Variants in ASXL2 observed in about 807,000 individuals in gnomAD.
ASXL2 encodes ASXL transcriptional regulator 2.
ASXL2 carries 23 observed loss-of-function variants against 122.0 expected under a neutral mutation model. The ratio of observed to expected loss-of-function variants is 0.19; its 90% CI spans 0.14 to 0.27. The LOEUF is 0.27. ASXL2 is among the 10% of genes least tolerant of loss of function. The probability of loss-of-function intolerance (pLI) is 1.00; values close to 1 mark genes in which losing one functional copy is unlikely to be tolerated. For synonymous variants in ASXL2, 650 were observed against 637.0 expected (o/e 1.02, Z -0.31); for missense variants, 1,518 against 1,713.8 (o/e 0.89, Z 2.02).
Position 25,742,173 on chromosome 2 carries a change from G to A in ASXL2, c.4164C>T (p.Ser1388=), listed in dbSNP as rs371375230. Residue 1388 remains serine, a synonymous_variant, in exon 13 of 13, where the codon TCC becomes TCT. Transcript: ENST00000435504. ...GCGTGCCCTCTATGCTGTTCTCTTC[G>A]GAGAACGCCTGAACAGGAATGGTCT... The part of the protein sequence containing the change: ...HGQTIPVQAF[S]EENSIEGTPS... 716 of 1,613,876 alleles carry A rather than the reference G, an allele frequency of 4.4e-4. No individual in the cohort carries two copies. The highest frequency in any genetic ancestry group is 5.2e-4 in the Non-Finnish European group (610 of 1,179,902).
chr2:25,812,416 C>T (rs923885936), intron 3 of ASXL2, among the ~76,000 whole-genome samples: 28 of 152,140 alleles, frequency 1.8e-4, no homozygotes, highest in African/African-American at 6.5e-4. Flanking sequence ...GCCGAGACCG[C>T]GCCATTGCAC....
Position 25,771,516 on chromosome 2 carries a change from C to T in ASXL2, c.428G>A (p.Gly143Asp), listed in dbSNP as rs752127810. Residue 143 changes from glycine to aspartate, a missense_variant, in exon 6 of 13, where the codon GGC becomes GAC. Coordinates refer to ENST00000435504, the MANE Select transcript of ASXL2 (RefSeq NM_018263.6). ...TGCTGGAATGGTGGGTGATGGGCAG[C>T]CTGACTGCGGGGAGGACGACGATAC... The part of the protein sequence containing the change: ...RKVSSSSPQS[G>D]CPSPTIPAGK... 2.5e-6 allele frequency: 4 copies of T among 1,613,192 alleles called. No homozygotes were observed. The highest frequency in any genetic ancestry group is 2.2e-5 in the East Asian group (1 of 44,854).
intron 2 of ASXL2, among the ~76,000 whole-genome samples, chr2:25,836,636 TCA>T (rs2089515135): frequency 6.6e-6 from 1 of 152,202 alleles, no homozygotes; most frequent in African/African-American, 2.4e-5. Context: ...AGGTAAAATC[TCA>T]GTCTCTAAAA....
chr2:25,738,295 T>C lies in ASXL2; in HGVS notation c.*3734A>G, dbSNP rs559478508. ...AAGTAACCAAGAATCTACGAAGCTA[T>C]TGCTTCAACTTTAGGAAATGTTTTA... On this transcript the variant is annotated 3_prime_UTR_variant, in exon 13 of 13. Transcript: ENST00000435504. The C allele has an allele frequency of 3.8e-4, 58 of 152,226 alleles. No individual in the cohort carries two copies. Among genetic ancestry groups the C allele is most frequent in the Non-Finnish European group, 6.3e-4 (43 of 68,044 alleles). 9.4% of individuals were successfully genotyped at this position (152,226 alleles called of 1,614,324 possible). A position where few individuals can be genotyped will look rare whatever the true frequency, so the allele number is the denominator to read the frequency against.
Position 25,743,050 on chromosome 2 carries a change from T to C in ASXL2, c.3287A>G (p.Gln1096Arg), listed in dbSNP as rs1284750177. 1 of 1,613,880 alleles carries C rather than the reference T, an allele frequency of 6.2e-7. No homozygotes were observed. The highest frequency in any genetic ancestry group is 1.1e-5 in the South Asian group (1 of 91,088). ...SQFNFAHSGF[Q>R]LEDISTSQRF... ...CTGGCTTGTGGAGATGTCTTCCAGC[T>C]GGAAACCTGAGTGAGCGAAGTTGAA... The change falls in exon 13 of 13, where the codon CAG becomes CGG. Residue 1096 changes from glutamine (Q) to arginine (R), a missense_variant. Gln to Arg is a conservative substitution (Grantham distance 43). Around this residue, in one of 8 missense-constraint regions of ASXL2, gnomAD observed 831 missense variants for 833.1 expected, o/e 1.00. Coordinates refer to ENST00000435504, the MANE Select transcript of ASXL2 (RefSeq NM_018263.6).
chr2:25,818,574 A>G (rs894099141), intron 3 of ASXL2, among the ~76,000 whole-genome samples: 1 of 152,240 alleles, frequency 6.6e-6, no homozygotes, highest in Admixed American at 6.5e-5. Flanking sequence ...TTAAATTGCT[A>G]CTTACCCTAA....
chr2:25,787,595 T>G (rs1490722025), intron 5 of ASXL2, among the ~76,000 whole-genome samples: 1 of 152,164 alleles, frequency 6.6e-6, no homozygotes, highest in Non-Finnish European at 1.5e-5. Context: ...TTATAAAAAC[T>G]GTATTTCTAT....
At chr2:25,811,053 A>AACAC (rs1239524692) in intron 3 of ASXL2, among the ~76,000 whole-genome samples, 3 of 54,128 alleles carry the variant, frequency 5.5e-5, no homozygotes, top group Admixed American at 1.7e-4. Flanking sequence ...AAAATACAAA[A>AACAC]ATACACACAC....
rs78769490 is a variant in ASXL2, at chr2:25,856,679, G to A, written c.58-11116C>T. 1,111 of 1,272,662 alleles carry A rather than the reference G, an allele frequency of 8.7e-4. 9 individuals are homozygous for A. The East Asian group carries it at 0.015, about 17-fold the overall frequency. The allele number at this position is 1,272,662 out of a possible 1,614,324, so 78.8% of individuals were successfully genotyped here. On this transcript the variant is annotated intron_variant, in intron 1 of 12. Coordinates refer to ENST00000435504, the MANE Select transcript of ASXL2 (RefSeq NM_018263.6). ...GGTGGCTCACCATCAACCCTCAGCCGTTAGAGTGAGCCAGTTTGCATACCT... is the reference window on the plus strand; with the variant it reads ...GGTGGCTCACCATCAACCCTCAGCCATTAGAGTGAGCCAGTTTGCATACCT...
chr2:25,844,246 T>C (rs2089622764), intron 2 of ASXL2, among the ~76,000 whole-genome samples: 2 of 152,144 alleles, frequency 1.3e-5, no homozygotes, highest in Admixed American at 6.6e-5. Flanking sequence ...ATACTTAATA[T>C]AATTTTAACA....
At chr2:25,798,566 C>A (rs2088945912) in intron 5 of ASXL2, among the ~76,000 whole-genome samples, 1 of 152,110 alleles carries the variant, frequency 6.6e-6, no homozygotes, top group Non-Finnish European at 1.5e-5. Context: ...GGGTTCGAGA[C>A]CAGCCTGACC....
chr2:25,837,342 T>C (rs1013660247), intron 2 of ASXL2, among the ~76,000 whole-genome samples: 1 of 152,164 alleles, frequency 6.6e-6, no homozygotes. Context: ...AATGTGTAGA[T>C]TTAATTGTTC....
chr2:25,873,911 A>G (rs1023236070), intron 1 of ASXL2, among the ~76,000 whole-genome samples: 1 of 152,230 alleles, frequency 6.6e-6, no homozygotes, highest in African/African-American at 2.4e-5. Flanking sequence ...GTAAGGAAAG[A>G]AAAGTCAAAA....
At chr2:25,831,140 T>C (rs2089446358) in intron 3 of ASXL2, among the ~76,000 whole-genome samples, 2 of 151,808 alleles carry the variant, frequency 1.3e-5, no homozygotes, top group African/African-American at 4.8e-5. Flanking sequence ...GCCAATGCAG[T>C]GAAACCCTGT....
intron 3 of ASXL2, among the ~76,000 whole-genome samples, chr2:25,821,735 A>C (rs2089313614): frequency 6.6e-6 from 1 of 152,244 alleles, no homozygotes; most frequent in Non-Finnish European, 1.5e-5. Context: ...AGGAAAAGAA[A>C]ACCATTCCAA....
At chr2:25,827,394 G>A (rs1206074602) in intron 3 of ASXL2, among the ~76,000 whole-genome samples, 2 of 151,956 alleles carry the variant, frequency 1.3e-5, no homozygotes, top group Admixed American at 1.3e-4. Context: ...TCTAAATTAC[G>A]TTTGGTAATT....
chr2:25,827,715 T>G (rs1008798452), intron 3 of ASXL2, among the ~76,000 whole-genome samples: 6 of 151,984 alleles, frequency 3.9e-5, no homozygotes, highest in African/African-American at 1.2e-4. Context: ...ACTAAAGACA[T>G]AAGGGAAAGG....
intron 2 of ASXL2, among the ~76,000 whole-genome samples, chr2:25,842,896 A>C (rs1163233015): frequency 6.6e-6 from 1 of 151,024 alleles, no homozygotes; most frequent in African/African-American, 2.4e-5. Context: ...ATCTCAGCTC[A>C]CTGCAACCTC....
intron 12 of ASXL2, among the ~76,000 whole-genome samples, chr2:25,747,828 GA>G (rs2087967510): frequency 6.6e-6 from 1 of 151,902 alleles, no homozygotes; most frequent in Non-Finnish European, 1.5e-5. Context: ...AAAAAAATAA[GA>G]AAAAACCCCC....
Sources: allele counts gnomAD v4.1 joint callset (sites outside exome capture counted in the v4.1 genomes callset), GRCh38; gene constraint gnomAD v4.1.1; regional missense constraint gnomAD v4.1.1; transcripts MANE v1.5; gene names NCBI Gene and HGNC (gene_info 2026-07-23, HGNC 2026-07-21).